The following TLK1 variants were observed in gnomAD, a reference collection of about 807,000 sequenced individuals.
TLK1 encodes the protein tousled like kinase 1, also known as serine/threonine-protein kinase tousled-like 1.
In TLK1, 24 loss-of-function variants were observed where a neutral mutation model predicts 105.3. The ratio of observed to expected loss-of-function variants is 0.23; its 90% confidence interval spans 0.17 to 0.32. The LOEUF is 0.32. Ranked by LOEUF, TLK1 falls within the 10% of genes least tolerant of loss-of-function variation. TLK1 has a pLI of 1.00. For missense variants in TLK1, 558 were observed against 910.5 expected, an observed-to-expected ratio of 0.61 and a Z score of 4.98; for synonymous variants, 321 against 310.4, an observed-to-expected ratio of 1.03 and a Z score of -0.36.
intron 20 of TLK1, among the ~76,000 whole-genome samples, chr2:170,996,055 C>CGGTATCGTCATGGCTCACT (rs1414438801): frequency 2.0e-5 from 3 of 151,446 alleles, no homozygotes; most frequent in Non-Finnish European, 4.4e-5. Flanking sequence ...TTGAGTGCAG[C>CGGTATCGTCATGGCTCACT]GGTATCGTCA....
intron 1 of TLK1, among the ~76,000 whole-genome samples, chr2:171,215,230 C>T (rs1473605211): frequency 1.3e-5 from 2 of 152,194 alleles, no homozygotes; most frequent in African/African-American, 4.8e-5. Flanking sequence ...CGTGAGCCGC[C>T]GTGCCCACTC....
At chr2:171,178,685 G>A (rs75650412) in intron 1 of TLK1, among the ~76,000 whole-genome samples, 3 of 152,114 alleles carry the variant, frequency 2.0e-5, no homozygotes, top group South Asian at 2.1e-4. Context: ...ACAGGGAAGC[G>A]TAAGATTTTA....
intron 13 of TLK1, among the ~76,000 whole-genome samples, chr2:171,013,449 G>A (rs939148128): frequency 6.0e-5 from 9 of 150,510 alleles, no homozygotes; most frequent in Non-Finnish European, 1.3e-4. Flanking sequence ...GCGACTACAG[G>A]TGCATGCCAC....
chr2:171,098,193 T>C (rs1476461744), intron 2 of TLK1, among the ~76,000 whole-genome samples: 1 of 152,094 alleles, frequency 6.6e-6, no homozygotes, highest in Non-Finnish European at 1.5e-5. Context: ...AGTATGGTGA[T>C]TACAGTTAAT....
intron 12 of TLK1, among the ~76,000 whole-genome samples, chr2:171,026,165 T>C (rs371852684): frequency 2.0e-5 from 3 of 152,226 alleles, no homozygotes; most frequent in Admixed American, 1.3e-4. Flanking sequence ...AAAAAGATTA[T>C]GGAAGGGATA....
intron 11 of TLK1, among the ~76,000 whole-genome samples, chr2:171,042,575 G>A (rs1326165824): frequency 6.6e-6 from 1 of 152,072 alleles, no homozygotes; most frequent in African/African-American, 2.4e-5. Flanking sequence ...ATTTAGTATT[G>A]ACCACTTTCC....
At chr2:171,031,018 TAA>T (rs11420656) in intron 11 of TLK1, among the ~76,000 whole-genome samples, 54 of 145,696 alleles carry the variant, frequency 3.7e-4, no homozygotes, top group African/African-American at 8.8e-4. Context: ...TTTACAATCA[TAA>T]AAAAAAAAAA....
chr2:170,997,922 T>C, intron 18 of TLK1, 99 bp from the exon 19 acceptor site: 1 of 652,924 alleles, frequency 1.5e-6, no homozygotes, highest in Non-Finnish European at 2.6e-6. Flanking sequence ...TATTCATATA[T>C]AAACTCTAGG....
At chr2:171,004,850 G>C (rs750506526) in intron 18 of TLK1, among the ~76,000 whole-genome samples, 6 of 152,150 alleles carry the variant, frequency 3.9e-5, no homozygotes, top group Non-Finnish European at 7.4e-5. Flanking sequence ...GGGGTTACCA[G>C]TTTGAATAGT....
intron 12 of TLK1, 79 bp downstream of exon 12, chr2:171,028,260 A>C: frequency 9.3e-7 from 1 of 1,077,690 alleles, no homozygotes; most frequent in Non-Finnish European, 1.4e-6. Context: ...TTGGCTTTTA[A>C]AATAAGTGAC....
chr2:171,130,367 A>G (rs1444871287), intron 1 of TLK1, among the ~76,000 whole-genome samples: 1 of 150,650 alleles, frequency 6.6e-6, no homozygotes, highest in Admixed American at 6.7e-5. Context: ...GCACCACTGC[A>G]CTCTAGCCTG....
At chr2:171,060,050 G>A in intron 4 of TLK1, 2 of 1,596,798 alleles carry the variant, frequency 1.3e-6, no homozygotes, top group East Asian at 2.3e-5. Context: ...AAAGGAAGGG[G>A]GGAAAAAACA....
chr2:171,201,351 T>C (rs933790907), intron 1 of TLK1, among the ~76,000 whole-genome samples: 2 of 152,214 alleles, frequency 1.3e-5, no homozygotes, highest in African/African-American at 4.8e-5. Flanking sequence ...TAATATTTTG[T>C]CATCAATCGT....
chr2:171,168,909 C>T (rs1028671957), intron 1 of TLK1, among the ~76,000 whole-genome samples: 1 of 151,992 alleles, frequency 6.6e-6, no homozygotes, highest in Non-Finnish European at 1.5e-5. Flanking sequence ...GGTGAAACCT[C>T]GTCTCTGCAA....
intron 7 of TLK1, 41 bp from the exon 8 acceptor site, chr2:171,053,894 G>A (rs759170325): frequency 1.4e-6 from 2 of 1,402,644 alleles, no homozygotes; most frequent in South Asian, 2.7e-5. Context: ...CATTATATAT[G>A]TTGTTTCAAG....
intron 1 of TLK1, among the ~76,000 whole-genome samples, chr2:171,179,888 G>A (rs1422957615): frequency 6.6e-6 from 1 of 152,136 alleles, no homozygotes; most frequent in Non-Finnish European, 1.5e-5. Context: ...GAGGTCAGGA[G>A]TTCAAGACAA....
At chr2:171,073,886 CT>C (rs1553473051) in intron 3 of TLK1, among the ~76,000 whole-genome samples, 2 of 124,018 alleles carry the variant, frequency 1.6e-5, no homozygotes, top group Admixed American at 8.3e-5. Flanking sequence ...CCCCCCCCTC[CT>C]TTTTTTTTCT....
intron 1 of TLK1, among the ~76,000 whole-genome samples, chr2:171,189,956 G>A (rs1693113447): frequency 6.6e-6 from 1 of 152,104 alleles, no homozygotes; most frequent in African/African-American, 2.4e-5. Context: ...AAAGAAAAAA[G>A]GGCAGAAGGC....
At chr2:171,072,288 G>C (rs1186694082) in intron 3 of TLK1, among the ~76,000 whole-genome samples, 1 of 152,110 alleles carries the variant, frequency 6.6e-6, no homozygotes, top group Non-Finnish European at 1.5e-5. Flanking sequence ...ATGTTTTATA[G>C]TTTTTATTGT....
Sources: allele counts gnomAD v4.1 joint callset (sites outside exome capture counted in the v4.1 genomes callset), GRCh38; gene constraint gnomAD v4.1.1; transcripts MANE v1.5; gene names NCBI Gene and HGNC (gene_info 2026-07-23, HGNC 2026-07-21).